PPARGC1A: variants seen among roughly 807,000 people sequenced by gnomAD.
PPARGC1A encodes peroxisome proliferator-activated receptor gamma coactivator 1-alpha.
PPARGC1A carries 25 observed loss-of-function variants against 88.7 expected under a neutral mutation model. The ratio of observed to expected loss-of-function variants is 0.28; its 90% CI spans 0.21 to 0.39. The LOEUF (loss-of-function observed/expected upper bound fraction) is 0.39, where lower values mean the gene tolerates loss of function less well. Ranked by LOEUF, PPARGC1A falls within the 10% of genes least tolerant of loss-of-function variation. The probability of loss-of-function intolerance (pLI) is 1.00; values close to 1 mark genes in which losing one functional copy is unlikely to be tolerated. For missense variants in PPARGC1A, 880 were observed against 968.7 expected (o/e 0.91, Z 1.22); for synonymous variants, 363 against 355.6 (o/e 1.02, Z -0.24).
At chr4:24,206,257 A>T in the PPARGC1A span, among the ~76,000 whole-genome samples, 1 of 152,208 alleles carries the variant, frequency 6.6e-6, no homozygotes, top group Non-Finnish European at 1.5e-5. Flanking sequence ...ATGAGACCTA[A>T]AACAAGTACC....
chr4:23,871,311 C>A (rs998017907), intron 2 of PPARGC1A, among the ~76,000 whole-genome samples: 6 of 152,132 alleles, frequency 3.9e-5, no homozygotes, highest in African/African-American at 1.4e-4. Flanking sequence ...GCTGGGATTG[C>A]CGGTGATAGG....
the PPARGC1A span, among the ~76,000 whole-genome samples, chr4:24,385,314 A>C: frequency 2.7e-4 from 41 of 152,312 alleles, no homozygotes; most frequent in African/African-American, 9.6e-4. Context: ...TCGACACCCT[A>C]ATATCACAAT....
intron 2 of PPARGC1A, among the ~76,000 whole-genome samples, chr4:23,844,445 A>G (rs1206288583): frequency 1.6e-5 from 2 of 123,654 alleles, no homozygotes; most frequent in Non-Finnish European, 3.2e-5. Flanking sequence ...TATATATAAT[A>G]TAGAATATAT....
At chr4:24,446,966 C>T in the PPARGC1A span, among the ~76,000 whole-genome samples, 1 of 152,180 alleles carries the variant, frequency 6.6e-6, no homozygotes, top group Non-Finnish European at 1.5e-5. Context: ...AACCCACCCA[C>T]TGAATCAAAG....
chr4:23,876,589 G>T (rs775326555), intron 2 of PPARGC1A, among the ~76,000 whole-genome samples: 2 of 152,062 alleles, frequency 1.3e-5, no homozygotes, highest in African/African-American at 4.8e-5. Flanking sequence ...GAAGGGCATC[G>T]GCCACCAGGG....
the PPARGC1A span, among the ~76,000 whole-genome samples, chr4:24,448,602 C>A: frequency 6.6e-6 from 1 of 152,216 alleles, no homozygotes; most frequent in African/African-American, 2.4e-5. Context: ...TCATCTCTGA[C>A]CTTATCTTAG....
chr4:23,910,350 A>ATATATAT, the PPARGC1A span, among the ~76,000 whole-genome samples: 2 of 64,320 alleles, frequency 3.1e-5, no homozygotes, highest in African/African-American at 1.7e-4. Context: ...ATTATATATT[A>ATATATAT]TATATATTAT....
chr4:24,364,449 C>T, the PPARGC1A span, among the ~76,000 whole-genome samples: 1 of 152,208 alleles, frequency 6.6e-6, no homozygotes, highest in South Asian at 2.1e-4. Context: ...GGGAGGTTGC[C>T]CTGGGCCCAC....
At chr4:24,168,534 C>T in the PPARGC1A span, among the ~76,000 whole-genome samples, 8 of 152,178 alleles carry the variant, frequency 5.3e-5, no homozygotes, top group African/African-American at 7.2e-5. Flanking sequence ...ACAGAAATGG[C>T]TGATTCTTGG....
At chr4:24,132,755 AT>A in the PPARGC1A span, among the ~76,000 whole-genome samples, 6 of 149,002 alleles carry the variant, frequency 4.0e-5, no homozygotes, top group East Asian at 2.0e-4. Context: ...TGCTGCTCAG[AT>A]TTTTTTTTTC....
At chr4:24,002,093 C>CAGAG in the PPARGC1A span, among the ~76,000 whole-genome samples, 225 of 135,744 alleles carry the variant, frequency 1.7e-3, no homozygotes, top group African/African-American at 4.9e-3. Context: ...CACACACACA[C>CAGAG]ACACAGAGAG....
At chr4:24,225,573 A>T in the PPARGC1A span, among the ~76,000 whole-genome samples, 3 of 152,216 alleles carry the variant, frequency 2.0e-5, no homozygotes, top group South Asian at 2.1e-4. Flanking sequence ...CAAAATAAAA[A>T]AAAAAAAGAG....
the PPARGC1A span, among the ~76,000 whole-genome samples, chr4:24,184,851 G>C: frequency 6.6e-6 from 1 of 152,182 alleles, no homozygotes; most frequent in Non-Finnish European, 1.5e-5. Context: ...GGAAGAAAGA[G>C]AGAGGGATAA....
the PPARGC1A span, among the ~76,000 whole-genome samples, chr4:24,142,453 G>A: frequency 0.12 from 17,460 of 151,704 alleles, 1,205 homozygotes; most frequent in African/African-American, 0.19. Context: ...CAGGCGGATC[G>A]CTTTGAGCTC....
chr4:24,339,231 T>TACACACACACAC, the PPARGC1A span, among the ~76,000 whole-genome samples: 1 of 121,354 alleles, frequency 8.2e-6, no homozygotes, highest in African/African-American at 3.2e-5. Flanking sequence ...TATATATATA[T>TACACACACACAC]ATATATACAC....
the PPARGC1A span, among the ~76,000 whole-genome samples, chr4:24,003,918 T>A: frequency 2.0e-5 from 3 of 150,638 alleles, no homozygotes; most frequent in African/African-American, 7.3e-5. Context: ...GAAGAAAAAA[T>A]GGTAAGGCAA....
chr4:24,420,046 T>G, the PPARGC1A span, among the ~76,000 whole-genome samples: 2 of 152,238 alleles, frequency 1.3e-5, no homozygotes, highest in Non-Finnish European at 2.9e-5. Flanking sequence ...CCATAAACAG[T>G]TCTGTCAGTT....
At chr4:23,981,937 A>G in the PPARGC1A span, among the ~76,000 whole-genome samples, 1 of 152,158 alleles carries the variant, frequency 6.6e-6, no homozygotes, top group Non-Finnish European at 1.5e-5. Flanking sequence ...AGAAAAGCAG[A>G]AAAGGTTGGG....
the PPARGC1A span, among the ~76,000 whole-genome samples, chr4:24,376,557 A>T: frequency 6.6e-6 from 1 of 152,234 alleles, no homozygotes; most frequent in Non-Finnish European, 1.5e-5. Context: ...TGGAAAATAA[A>T]ACGAATTGCA....
Sources: gnomAD v4.1 joint callset for allele counts (sites outside exome capture counted in the v4.1 genomes callset) on GRCh38, gnomAD v4.1.1 for gene constraint, MANE v1.5 for transcripts, NCBI Gene and HGNC (gene_info 2026-07-23, HGNC 2026-07-21) for gene names.